COL5A2: variants seen among roughly 807,000 people sequenced by gnomAD.
The protein encoded by COL5A2 is collagen alpha-2(V) chain.
A neutral mutation model predicts 208.2 loss-of-function variants in COL5A2; 23 were observed. That is an observed-to-expected ratio of 0.11 (90% CI 0.08 to 0.16). The LOEUF is 0.16. COL5A2 is among the 10% of genes least tolerant of loss of function. COL5A2 has a pLI of 1.00. For missense variants in COL5A2, 1,590 were observed against 1,956.4 expected (o/e 0.81, Z 3.53); for synonymous variants, 625 against 628.5 (o/e 0.99, Z 0.08).
the COL5A2 span, among the ~76,000 whole-genome samples, chr2:189,247,057 G>C: frequency 6.6e-6 from 1 of 152,142 alleles, no homozygotes; most frequent in East Asian, 1.9e-4. Flanking sequence ...AAGCAAGATT[G>C]AGATGGAGGA....
intron 52 of COL5A2, 62 bp downstream of exon 52, chr2:189,036,554 A>G: frequency 7.2e-7 from 1 of 1,391,870 alleles, no homozygotes; most frequent in African/African-American, 1.5e-5. Context: ...TAAATAAATC[A>G]AAAATATGTA....
chr2:189,249,372 C>T, the COL5A2 span, among the ~76,000 whole-genome samples: 1 of 152,118 alleles, frequency 6.6e-6, no homozygotes, highest in Non-Finnish European at 1.5e-5. Context: ...TGGCAAAACT[C>T]CAGCAGCTGA....
chr2:189,071,363 T>A (rs1271117967), intron 18 of COL5A2, among the ~76,000 whole-genome samples: 1 of 152,202 alleles, frequency 6.6e-6, no homozygotes, highest in African/African-American at 2.4e-5. Context: ...AAAGAGGTGT[T>A]CTGAATTAAT....
At position 189,167,518 on chromosome 2, in the gene COL5A2, C is replaced by A. The variant is rs138910440; in HGVS notation, c.97+11990G>T. Among the ~76,000 whole-genome samples the A allele has an allele frequency of 3.8e-3, 577 of 152,180 alleles. 5 individuals carry two copies. The highest frequency in any genetic ancestry group is 0.012 in the African/African-American group (496 of 41,500). ...AATGAGAACTCCATTGGTTTATAAACCTATGAGTTGTGTCTAAGCAAAATT... is the reference window on the plus strand; with the variant it reads ...AATGAGAACTCCATTGGTTTATAAAACTATGAGTTGTGTCTAAGCAAAATT... On this transcript the variant is annotated intron_variant, in intron 1 of 53. Transcript: ENST00000374866.
In COL5A2 at chr2:189,066,515, A is replaced by G. The variant is rs1686153161; in HGVS notation, c.1456-18T>C. 6.2e-7 allele frequency: 1 copy of G among 1,611,914 alleles called. No individual in the cohort carries two copies. The highest frequency in any genetic ancestry group is 2.2e-5 in the East Asian group (1 of 44,870). ...TGTGGCCCCTGTTAAAAACAGAAGGACAGTTACCAGAAAGACCCATCCAAC... is the reference window on the plus strand; with the variant it reads ...TGTGGCCCCTGTTAAAAACAGAAGGGCAGTTACCAGAAAGACCCATCCAAC... On this transcript the variant is annotated intron_variant, in intron 22 of 53. Coordinates refer to ENST00000374866, the MANE Select transcript of COL5A2 (RefSeq NM_000393.5).
chr2:189,406,256 T>A, the COL5A2 span, among the ~76,000 whole-genome samples: 1 of 152,184 alleles, frequency 6.6e-6, no homozygotes, highest in Non-Finnish European at 1.5e-5. Context: ...TGCTGAAAAC[T>A]TGAAATTGAT....
chr2:189,100,529 TA>T (rs1687027505), intron 3 of COL5A2, among the ~76,000 whole-genome samples: 1 of 151,806 alleles, frequency 6.6e-6, no homozygotes, highest in Non-Finnish European at 1.5e-5. Flanking sequence ...ACATAAAAAT[TA>T]ATATAAATTA....
chr2:189,076,640 CCAA>C (rs1576510857), intron 16 of COL5A2, among the ~76,000 whole-genome samples: 1 of 152,190 alleles, frequency 6.6e-6, no homozygotes, highest in East Asian at 1.9e-4. Context: ...GAATATCAGG[CCAA>C]GCACAGGGCT....
At chr2:189,164,402 ATTT>A (rs1206216361) in intron 1 of COL5A2, among the ~76,000 whole-genome samples, 1 of 146,888 alleles carries the variant, frequency 6.8e-6, no homozygotes, top group Non-Finnish European at 1.5e-5. Context: ...CTCTATTCTT[ATTT>A]TTTTTTTTAC....
the COL5A2 span, among the ~76,000 whole-genome samples, chr2:189,426,304 C>T: frequency 6.6e-6 from 1 of 152,166 alleles, no homozygotes; most frequent in South Asian, 2.1e-4. Flanking sequence ...GGACTGCCTC[C>T]CATTCTATTC....
the COL5A2 span, among the ~76,000 whole-genome samples, chr2:189,379,318 T>C: frequency 1.3e-5 from 2 of 152,226 alleles, 1 homozygote; most frequent in Admixed American, 1.3e-4. Flanking sequence ...ATATTTCTTC[T>C]GAATGACTCT....
the COL5A2 span, among the ~76,000 whole-genome samples, chr2:189,340,795 G>A: frequency 5.9e-5 from 9 of 152,268 alleles, no homozygotes; most frequent in Middle Eastern, 3.4e-3. Flanking sequence ...GGTTTAGCAG[G>A]TGTCAGTGCC....
upstream of COL5A2, among the ~76,000 whole-genome samples, chr2:189,182,433 A>T (rs62182457): frequency 0.14 from 21,742 of 152,128 alleles, 1,973 homozygotes; most frequent in Non-Finnish European, 0.2. Flanking sequence ...CTAGGGTTCC[A>T]CTTCAGTGAT....
At chr2:189,399,452 T>G in the COL5A2 span, among the ~76,000 whole-genome samples, 3 of 152,030 alleles carry the variant, frequency 2.0e-5, no homozygotes, top group African/African-American at 7.2e-5. Context: ...GAGCTCACCA[T>G]GTTGGCCAGG....
the COL5A2 span, among the ~76,000 whole-genome samples, chr2:189,314,915 G>C: frequency 1.1e-3 from 172 of 152,262 alleles, no homozygotes; most frequent in African/African-American, 3.8e-3. Context: ...CTAATAACGA[G>C]TTCTGAAATT....
intron 1 of COL5A2, among the ~76,000 whole-genome samples, chr2:189,119,594 C>T (rs1385456430): frequency 1.3e-5 from 2 of 151,984 alleles, no homozygotes; most frequent in African/African-American, 2.4e-5. Context: ...GTATAATTCA[C>T]ATTTTAATTT....
At chr2:189,325,926 A>C in the COL5A2 span, among the ~76,000 whole-genome samples, 30 of 152,098 alleles carry the variant, frequency 2.0e-4, 1 homozygote, top group Middle Eastern at 6.8e-3. Flanking sequence ...GTGAAACCCC[A>C]TCTCTACTAA....
chr2:189,081,149 C>A, intron 12 of COL5A2, 106 bp from the exon 13 acceptor site: 3 of 858,786 alleles, frequency 3.5e-6, no homozygotes, highest in Non-Finnish European at 4.0e-6. Context: ...AGTTTTCCAG[C>A]AACATATTAA....
At chr2:189,075,349 G>C in intron 17 of COL5A2, 44 bp downstream of exon 17, 1 of 1,335,428 alleles carries the variant, frequency 7.5e-7, no homozygotes. Context: ...ATGGAAGAAT[G>C]CATGAATAAA....
Sources: gnomAD v4.1 joint callset for allele counts (sites outside exome capture counted in the v4.1 genomes callset) on GRCh38, gnomAD v4.1.1 for gene constraint, MANE v1.5 for transcripts, NCBI Gene and HGNC (gene_info 2026-07-23, HGNC 2026-07-21) for gene names.